Variants in RHCE observed in about 807,000 individuals in gnomAD.
RHCE encodes the protein Rh blood group CcEe antigens.
RHCE carries 22 observed loss-of-function variants against 43.8 expected under a neutral mutation model. That is an observed-to-expected ratio of 0.50 (90% CI 0.36 to 0.72). RHCE has a LOEUF of 0.72. Ranked by LOEUF, RHCE falls within the 30% of genes least tolerant of loss-of-function variation. RHCE has a pLI of 0.00. For missense variants in RHCE, 385 were observed against 525.4 expected, an observed-to-expected ratio of 0.73 and a Z score of 2.61; for synonymous variants, 156 against 210.7, an observed-to-expected ratio of 0.74 and a Z score of 2.25.
Position 25,402,646 on chromosome 1 carries a change from C to G in RHCE, c.436G>C (p.Glu146Gln). The change falls in exon 3 of 10, where the codon GAG becomes CAG. Residue 146 changes from glutamate (E) to glutamine (Q), a missense_variant. This residue lies in a region of RHCE where 110 missense variants were observed against 192.1 expected (regional missense o/e 0.57). Transcript: ENST00000294413. ...CTCAGGGTGCCTAAAGCTGTCACCT[C>G]CACCAGCACCATCACCACCAACTGC... is the stretch of plus-strand genomic sequence containing the variant. Reference protein sequence around the residue: ...LAQLVVMVLVEVTALGTLRMV... With the variant: ...LAQLVVMVLVQVTALGTLRMV... The G allele has an allele frequency of 1.9e-6, 3 of 1,614,146 alleles. No individual in the cohort carries two copies. In the South Asian group the frequency reaches 3.3e-5, roughly 18 times the overall value.
At chr1:25,395,482 C>G (rs547762123) in intron 3 of RHCE, among the ~76,000 whole-genome samples, 1 of 152,306 alleles carries the variant, frequency 6.6e-6, no homozygotes, top group Non-Finnish European at 1.5e-5. Context: ...CTAGTGCCCT[C>G]CTGAGTCTGG....
In RHCE at chr1:25,380,655, C is replaced by A. The variant is rs151025465; in HGVS notation, c.1073+5056G>T. Among the ~76,000 whole-genome samples the A allele has an allele frequency of 3.7e-3, 562 of 152,320 alleles. 26 individuals carry two copies. The East Asian group carries it at 0.085, about 23-fold the overall frequency. On this transcript the variant is annotated intron_variant, in intron 7 of 9. Coordinates refer to ENST00000294413, the MANE Select transcript of RHCE (RefSeq NM_020485.8). ...TATGACTTTTACCTTCCACATCACACCTGTGGCCACTTGAACCACAGCTGG... is the reference window on the plus strand; with the variant it reads ...TATGACTTTTACCTTCCACATCACAACTGTGGCCACTTGAACCACAGCTGG...
At chr1:25,379,451 GTATATATATATATATATATATATA>G (rs1189074254) in intron 7 of RHCE, among the ~76,000 whole-genome samples, 42 of 51,000 alleles carry the variant, frequency 8.2e-4, no homozygotes, top group African/African-American at 2.4e-3. Context: ...TAGCACCAAA[GTATATATATATATATATATATATA>G]TATATATATA....
At chr1:25,423,613 C>G (rs1207990798), upstream of RHCE, among the ~76,000 whole-genome samples, 2 of 152,224 alleles carry the variant, frequency 1.3e-5, no homozygotes, top group Non-Finnish European at 2.9e-5. Flanking sequence ...CGACAGATTT[C>G]TCGAAAGCAG....
At chr1:25,410,498 C>T (rs1647039789) in intron 1 of RHCE, among the ~76,000 whole-genome samples, 1 of 151,146 alleles carries the variant, frequency 6.6e-6, no homozygotes, top group Non-Finnish European at 1.5e-5. Flanking sequence ...GGTGCGATCT[C>T]GGTTTGCTGC....
chr1:25,369,730 AT>A (rs3080376), intron 9 of RHCE, among the ~76,000 whole-genome samples: 3,742 of 95,316 alleles, frequency 0.039, 103 homozygotes, highest in African/African-American at 0.15. Flanking sequence ...CACTGTAAGA[AT>A]TTTTTTTTTT....
intron 6 of RHCE, among the ~76,000 whole-genome samples, chr1:25,387,147 A>G (rs2124404930): frequency 6.6e-6 from 1 of 152,332 alleles, no homozygotes. Flanking sequence ...GGTGGACCCT[A>G]TGCCTTCAGA....
chr1:25,397,229 GCTCACAC>G (rs1646576604), intron 3 of RHCE, among the ~76,000 whole-genome samples: 1 of 149,946 alleles, frequency 6.7e-6, no homozygotes, highest in Non-Finnish European at 1.5e-5. Context: ...GGGCGCGGTG[GCTCACAC>G]CTCTAATCCC....
chr1:25,418,518 G>A (rs1360962956), intron 1 of RHCE, among the ~76,000 whole-genome samples: 1 of 152,164 alleles, frequency 6.6e-6, no homozygotes, highest in Non-Finnish European at 1.5e-5. Flanking sequence ...GGCCAGGCTG[G>A]TCTTGAACTC....
intron 7 of RHCE, among the ~76,000 whole-genome samples, chr1:25,383,805 C>A (rs1471119672): frequency 1.3e-5 from 2 of 152,196 alleles, no homozygotes; most frequent in African/African-American, 4.8e-5. Context: ...TGATTGTTCT[C>A]ATCTCTTCCC....
chr1:25,413,519 G>A (rs1199379439), intron 1 of RHCE, among the ~76,000 whole-genome samples: 1 of 152,236 alleles, frequency 6.6e-6, no homozygotes, highest in African/African-American at 2.4e-5. Flanking sequence ...CCCATGCCTG[G>A]GCCCAGAGGG....
chr1:25,402,392 G>GA (rs1384768322), intron 3 of RHCE, among the ~76,000 whole-genome samples: 3 of 151,758 alleles, frequency 2.0e-5, no homozygotes, highest in African/African-American at 7.3e-5. Context: ...GGATAATTTA[G>GA]AAAAAATTAC....
intron 1 of RHCE, among the ~76,000 whole-genome samples, chr1:25,414,594 C>T (rs1647234220): frequency 6.6e-6 from 1 of 152,152 alleles, no homozygotes; most frequent in African/African-American, 2.4e-5. Flanking sequence ...ACTGGGAAAA[C>T]TCCTCTGTCT....
chr1:25,421,521 C>G (rs148887558), upstream of RHCE, among the ~76,000 whole-genome samples: 1,968 of 152,324 alleles, frequency 0.013, 38 homozygotes, highest in African/African-American at 0.043. Flanking sequence ...CCTCTGGTCA[C>G]CTCCTCACAG....
intron 8 of RHCE, 98 bp from the exon 9 acceptor site, chr1:25,370,638 T>G: frequency 9.7e-7 from 1 of 1,035,224 alleles, no homozygotes; most frequent in African/African-American, 1.6e-5. Context: ...CGACAGTGTC[T>G]CAACAGAAAT....
chr1:25,389,607 T>G (rs1429769244), intron 5 of RHCE, among the ~76,000 whole-genome samples: 1 of 152,172 alleles, frequency 6.6e-6, no homozygotes, highest in Non-Finnish European at 1.5e-5. Flanking sequence ...ACCTTCTTCA[T>G]AAGGTTATTG....
At chr1:25,373,491 C>T (rs1645677704) in intron 8 of RHCE, among the ~76,000 whole-genome samples, 1 of 151,838 alleles carries the variant, frequency 6.6e-6, no homozygotes, top group Admixed American at 6.6e-5. Flanking sequence ...CACACAGACT[C>T]TGCCAAAAGC....
chr1:25,409,039 ATGGGGATAACATAACATGCCGTG>A (rs1006544110), intron 1 of RHCE, among the ~76,000 whole-genome samples, 170 bp from the exon 2 acceptor site: 2 of 123,362 alleles, frequency 1.6e-5, no homozygotes, highest in African/African-American at 2.5e-5. Context: ...CAACTGAATA[ATGGGGATAACATAACATGCCGTG>A]TGGGGATAAG....
intron 1 of RHCE, among the ~76,000 whole-genome samples, chr1:25,409,603 G>T (rs1352112932): frequency 1.6e-5 from 2 of 123,780 alleles, no homozygotes; most frequent in African/African-American, 2.5e-5. Context: ...TTTGAAAAAG[G>T]GTTAGCAGCT....
Sources: gnomAD v4.1 joint callset for allele counts (sites outside exome capture counted in the v4.1 genomes callset) on GRCh38, gnomAD v4.1.1 for gene constraint, gnomAD v4.1.1 regional missense constraint, MANE v1.5 for transcripts, NCBI Gene and HGNC (gene_info 2026-07-23, HGNC 2026-07-21) for gene names.